PCDHGB4: variants seen among roughly 807,000 people sequenced by gnomAD.
PCDHGB4 encodes the protein protocadherin gamma subfamily B, 4.
A neutral mutation model predicts 60.5 loss-of-function variants in PCDHGB4; 38 were observed. The observed-to-expected ratio is 0.63, with a 90% CI of 0.48 to 0.82. PCDHGB4 has a LOEUF of 0.82. Among genes scored for constraint, PCDHGB4 ranks in the 40% least tolerant of loss-of-function variants. The pLI is 0.00. For synonymous variants in PCDHGB4, 456 were observed against 509.7 expected, an observed-to-expected ratio of 0.89 and a Z score of 1.42; for missense variants, 1,109 against 1,209.6, an observed-to-expected ratio of 0.92 and a Z score of 1.23.
intron 1 of PCDHGB4, chr5:141,393,093 G>T: frequency 2.5e-6 from 4 of 1,613,620 alleles, no homozygotes; most frequent in Non-Finnish European, 3.4e-6. Context: ...AGATCGGGAG[G>T]AGCTCTGCGC....
chr5:141,387,731 C>A lies in PCDHGB4; in HGVS notation c.-154C>A, dbSNP rs909205011. ...CCCAGCTCAGACTCCCCAGCGCCAG[C>A]CTTTACACCGCTTCCTCCTCGGAAA... On this transcript the variant is annotated 5_prime_UTR_variant, in exon 1 of 4. Coordinates refer to ENST00000519479, the MANE Select transcript of PCDHGB4 (RefSeq NM_003736.4). 6.4e-6 allele frequency: 8 copies of A among 1,254,262 alleles called. No individual in the cohort carries two copies. Among genetic ancestry groups the A allele is most frequent in the East Asian group, 2.5e-5 (1 of 39,310 alleles). The allele number at this position is 1,254,262 out of a possible 1,614,324, so 77.7% of individuals were successfully genotyped here.
chr5:141,503,924 G>C (rs1282755998), intron 2 of PCDHGB4, among the ~76,000 whole-genome samples: 1 of 152,146 alleles, frequency 6.6e-6, no homozygotes, highest in Non-Finnish European at 1.5e-5. Flanking sequence ...CACACACACA[G>C]ACATTTTCAT....
At chr5:141,409,858 G>A in intron 1 of PCDHGB4, 2 of 1,612,340 alleles carry the variant, frequency 1.2e-6, no homozygotes, top group Non-Finnish European at 1.7e-6. Context: ...GCGTGTTGGT[G>A]GGAGACCGCA....
intron 1 of PCDHGB4, among the ~76,000 whole-genome samples, chr5:141,492,622 C>A (rs2099742615): frequency 6.6e-6 from 1 of 152,218 alleles, no homozygotes; most frequent in South Asian, 2.1e-4. Flanking sequence ...GCCGGGCGGG[C>A]AGGACTCTAC....
intron 1 of PCDHGB4, chr5:141,427,227 A>G (rs111948686): frequency 8.8e-6 from 4 of 456,798 alleles, no homozygotes; most frequent in African/African-American, 4.0e-5. Flanking sequence ...CAGTTATACC[A>G]TGAGAGTAGA....
chr5:141,415,404 C>T, intron 1 of PCDHGB4: 1 of 1,614,238 alleles, frequency 6.2e-7, no homozygotes, highest in Non-Finnish European at 8.5e-7. Context: ...CCGGCTCGCA[C>T]TTTGTGGGCG....
At position 141,491,651 on chromosome 5, in the gene PCDHGB4, A is replaced by G. The variant is rs1379494110; in HGVS notation, c.2398-3156A>G. 1.9e-6 allele frequency: 3 copies of G among 1,613,796 alleles called. 1 individual carries two copies. ...CAGCAGCCCACAGCTCTGGCGCTGGAGCCTGACGCCATCCGGTCCCGCTCT... is the reference window on the plus strand; with the variant it reads ...CAGCAGCCCACAGCTCTGGCGCTGGGGCCTGACGCCATCCGGTCCCGCTCT... On this transcript the variant is annotated intron_variant, in intron 1 of 3. Coordinates refer to ENST00000519479, the MANE Select transcript of PCDHGB4 (RefSeq NM_003736.4). The surrounding 1 kb of genome is among the most constrained non-coding windows in gnomAD (Gnocchi z 6.9).
chr5:141,408,358 G>C, intron 1 of PCDHGB4: 1 of 1,613,952 alleles, frequency 6.2e-7, no homozygotes, highest in South Asian at 1.1e-5. Context: ...ACCTCGCTAA[G>C]GATCTAGGGC....
chr5:141,403,213 G>A (rs1314899957), intron 1 of PCDHGB4: 1 of 1,613,970 alleles, frequency 6.2e-7, no homozygotes, highest in Non-Finnish European at 8.5e-7. Flanking sequence ...TGGTCACCGC[G>A]GGTAGGATAG....
In PCDHGB4 at chr5:141,511,548, A is replaced by C; in HGVS notation, c.*375A>C. 3.3e-6 allele frequency: 1 copy of C among 306,952 alleles called. No homozygotes were observed. The highest frequency in any genetic ancestry group is 6.3e-6 in the Non-Finnish European group (1 of 158,248). 19.0% of individuals were successfully genotyped at this position (306,952 alleles called of 1,614,324 possible). ...CCTCCCTCCTCCCCACCCCACTCCA[A>C]CAGTTCCTCTTTCCCGAGTAAGGTG... is the stretch of plus-strand genomic sequence containing the variant. On this transcript the variant is annotated 3_prime_UTR_variant, in exon 4 of 4. Transcript: ENST00000519479.
At position 141,490,819 on chromosome 5, in the gene PCDHGB4, C is replaced by T; in HGVS notation, c.2398-3988C>T. Reference sequence around the variant, plus strand: ...CCAGCGTACCTTTGACTATGAATTGCTGCAGATGCTGCAGATTGTGGTGGG... The same window carrying T: ...CCAGCGTACCTTTGACTATGAATTGTTGCAGATGCTGCAGATTGTGGTGGG... On this transcript the variant is annotated intron_variant, in intron 1 of 3. Transcript: ENST00000519479. This position sits in a 1 kb window ranked among gnomAD's most constrained non-coding sequence, Gnocchi z 5.4. 2 of 1,613,842 alleles carry T rather than the reference C, an allele frequency of 1.2e-6. No individual in the cohort carries two copies. Among genetic ancestry groups the T allele is most frequent in the Non-Finnish European group, 8.5e-7 (1 of 1,179,804 alleles).
chr5:141,453,465 A>G (rs1167340749), intron 1 of PCDHGB4, among the ~76,000 whole-genome samples: 2 of 152,098 alleles, frequency 1.3e-5, no homozygotes, highest in African/African-American at 4.8e-5. Flanking sequence ...AAACATTAAC[A>G]TAAAGTCAAA....
intron 3 of PCDHGB4, among the ~76,000 whole-genome samples, chr5:141,509,732 C>T (rs931066969): frequency 3.9e-5 from 6 of 152,182 alleles, no homozygotes; most frequent in Non-Finnish European, 5.9e-5. Flanking sequence ...CTAGCTGTGG[C>T]ACTCTGAGCC....
At position 141,418,056 on chromosome 5, in the gene PCDHGB4, T is replaced by G. The variant is rs199996434; in HGVS notation, c.2397+27775T>G. ...GTCCTGGATGTGTCGGCTCGCGAGC[T>G]GCGAGTGAGCGCGGAGAAGCTGCAC... is the stretch of plus-strand genomic sequence containing the variant. On this transcript the variant is annotated intron_variant, in intron 1 of 3. Coordinates refer to ENST00000519479, the MANE Select transcript of PCDHGB4 (RefSeq NM_003736.4). 5.0e-5 allele frequency: 80 copies of G among 1,613,976 alleles called. No individual in the cohort carries two copies. The African/African-American group carries it at 7.5e-4, about 15-fold the overall frequency.
chr5:141,424,026 C>G, intron 1 of PCDHGB4: 1 of 1,041,918 alleles, frequency 9.6e-7, no homozygotes, highest in Non-Finnish European at 1.2e-6. Context: ...TTCACAAACA[C>G]TTTTTATTTC....
intron 2 of PCDHGB4, among the ~76,000 whole-genome samples, chr5:141,496,474 T>A (rs2099769027): frequency 6.6e-6 from 1 of 152,140 alleles, no homozygotes; most frequent in African/African-American, 2.4e-5. Context: ...CTTTCCCCCA[T>A]CCTGCAACCA....
intron 1 of PCDHGB4, chr5:141,410,657 G>A: frequency 1.9e-6 from 3 of 1,579,248 alleles, no homozygotes; most frequent in Non-Finnish European, 2.6e-6. Flanking sequence ...TTATCTAATA[G>A]TCTACTAGTT....
chr5:141,431,194 T>C lies in PCDHGB4; in HGVS notation c.2397+40913T>C. On this transcript the variant is annotated intron_variant, in intron 1 of 3. Coordinates refer to ENST00000519479, the MANE Select transcript of PCDHGB4 (RefSeq NM_003736.4). The surrounding 1 kb of genome is among the most constrained non-coding windows in gnomAD (Gnocchi z 4.8). ...AATTAGAAATAAAAATTAGTGAAAA[T>C]GCAGCCACTGAGATGCGGTTCCCTC... The C allele has an allele frequency of 6.2e-7, 1 of 1,614,124 alleles. No homozygotes were observed.
chr5:141,400,175 A>G (rs374505357), intron 1 of PCDHGB4: 1 of 1,613,918 alleles, frequency 6.2e-7, no homozygotes, highest in Non-Finnish European at 8.5e-7. Flanking sequence ...CCCCAGGCTG[A>G]GCTGCAGTTT....
Sources: gnomAD v4.1 joint callset for allele counts (sites outside exome capture counted in the v4.1 genomes callset) on GRCh38, gnomAD v4.1.1 for gene constraint, Gnocchi (gnomAD v3.1) non-coding constraint, MANE v1.5 for transcripts, NCBI Gene and HGNC (gene_info 2026-07-23, HGNC 2026-07-21) for gene names.